Variants in IPCEF1 observed in about 807,000 individuals in gnomAD.
The protein encoded by IPCEF1 is interactor protein for cytohesin exchange factors 1.
Under a neutral mutation model 50.9 loss-of-function variants are expected in IPCEF1, and 31 were observed. That is an observed-to-expected ratio of 0.61 (90% CI 0.46 to 0.82). The LOEUF is 0.82. Ranked by LOEUF, IPCEF1 falls within the 40% of genes least tolerant of loss-of-function variation. The pLI, the probability that IPCEF1 is intolerant of heterozygous loss-of-function variation, is 0.00. For missense variants in IPCEF1, 458 were observed against 514.0 expected (o/e 0.89, Z 1.05); for synonymous variants, 181 against 192.0 (o/e 0.94, Z 0.47).
At chr6:154,222,927 A>G (rs1778980545) in intron 6 of IPCEF1, 1 of 539,634 alleles carries the variant, frequency 1.9e-6, no homozygotes, top group Non-Finnish European at 3.3e-6. Flanking sequence ...ACAGTCATCA[A>G]CAACAGTCCA....
rs565642226 is a variant in IPCEF1, at chr6:154,183,333, T to C, written c.911-15220A>G. The stretch of plus-strand genomic sequence containing the variant: ...TTCACTTATCGCTATGACTATTATC[T>C]ACTGCAATCTATGTACTTGCATAAC... On this transcript the variant is annotated intron_variant, in intron 10 of 11. Coordinates refer to ENST00000367220, the MANE Select transcript of IPCEF1 (RefSeq NM_001130700.2). Among the ~76,000 whole-genome samples, 41 of 152,356 alleles carry C rather than the reference T, an allele frequency of 2.7e-4. No individual in the cohort carries two copies. The South Asian group carries it at 3.3e-3, about 12-fold the overall frequency.
At chr6:154,188,377 A>C (rs1477339192) in intron 10 of IPCEF1, among the ~76,000 whole-genome samples, 2 of 152,354 alleles carry the variant, frequency 1.3e-5, no homozygotes, top group East Asian at 3.9e-4. Context: ...AGAGAGGTAA[A>C]GAGACCAATT....
At chr6:154,218,433 C>T (rs1286431109) in intron 7 of IPCEF1, among the ~76,000 whole-genome samples, 1 of 152,162 alleles carries the variant, frequency 6.6e-6, no homozygotes, top group Non-Finnish European at 1.5e-5. Context: ...CTTCATCGTC[C>T]CTGAGAGAAA....
chr6:154,193,121 TG>T (rs1802081455), intron 10 of IPCEF1, among the ~76,000 whole-genome samples: 1 of 152,196 alleles, frequency 6.6e-6, no homozygotes, highest in South Asian at 2.1e-4. Flanking sequence ...CCAGCCCAGA[TG>T]CCCATCAGTC....
intron 9 of IPCEF1, among the ~76,000 whole-genome samples, chr6:154,201,715 C>T (rs753205797): frequency 2.8e-4 from 42 of 152,146 alleles, no homozygotes; most frequent in Non-Finnish European, 4.7e-4. Context: ...GCCAACATGG[C>T]GAAACCCCGT....
chr6:154,311,704 A>G (rs900484208), intron 1 of IPCEF1, among the ~76,000 whole-genome samples: 4 of 152,250 alleles, frequency 2.6e-5, no homozygotes, highest in Non-Finnish European at 5.9e-5. Flanking sequence ...CAATATCACT[A>G]ATCATTACAA....
intron 1 of IPCEF1, among the ~76,000 whole-genome samples, chr6:154,292,698 G>T (rs566055336): frequency 3.9e-5 from 6 of 152,284 alleles, no homozygotes; most frequent in Middle Eastern, 3.4e-3. Flanking sequence ...AAACTACAAG[G>T]TAGTGAGGTA....
rs145947970 is a variant in IPCEF1, at chr6:154,174,452, C to T, written c.911-6339G>A. On this transcript the variant is annotated intron_variant, in intron 10 of 11. Coordinates refer to ENST00000367220, the MANE Select transcript of IPCEF1 (RefSeq NM_001130700.2). ...TCTCACGTGCAGAGACACACACAGG[C>T]TCAAAATAAAGGGAAGGAGGAAGAT... Among the ~76,000 whole-genome samples, 977 of 151,830 alleles carry T rather than the reference C, an allele frequency of 6.4e-3. 29 individuals carry two copies. The highest frequency in any genetic ancestry group is 0.055 in the East Asian group (283 of 5,162).
At chr6:154,160,261 A>C (rs1415782677) in intron 11 of IPCEF1, among the ~76,000 whole-genome samples, 1 of 152,246 alleles carries the variant, frequency 6.6e-6, no homozygotes, top group Admixed American at 6.5e-5. Flanking sequence ...AGTTAGTGGA[A>C]GAGCTAGACA....
chr6:154,241,328 AC>A (rs1780574964), intron 5 of IPCEF1, among the ~76,000 whole-genome samples: 1 of 152,100 alleles, frequency 6.6e-6, no homozygotes, highest in Non-Finnish European at 1.5e-5. Context: ...GCTTCCTTGA[AC>A]TGGTGATGCA....
At chr6:154,282,991 T>A (rs1229510927) in intron 2 of IPCEF1, among the ~76,000 whole-genome samples, 1 of 151,894 alleles carries the variant, frequency 6.6e-6, no homozygotes, top group African/African-American at 2.4e-5. Flanking sequence ...ATCCCACAAA[T>A]TTTCAAAGAT....
chr6:154,335,407 T>C (rs1379293824), intron 1 of IPCEF1, among the ~76,000 whole-genome samples: 1 of 152,230 alleles, frequency 6.6e-6, no homozygotes, highest in Non-Finnish European at 1.5e-5. Context: ...TCTGTATGCC[T>C]TTTCTCCAGT....
At chr6:154,281,898 G>A (rs1782222525) in intron 2 of IPCEF1, among the ~76,000 whole-genome samples, 1 of 152,190 alleles carries the variant, frequency 6.6e-6, no homozygotes, top group African/African-American at 2.4e-5. Context: ...CAGCTACGTG[G>A]GAGGCTGAGA....
At chr6:154,242,084 TATTATGAGA>T (rs1356624054) in intron 5 of IPCEF1, among the ~76,000 whole-genome samples, 2 of 152,234 alleles carry the variant, frequency 1.3e-5, no homozygotes, top group African/African-American at 4.8e-5. Flanking sequence ...CTTGCTCGGC[TATTATGAGA>T]ATTCAATATA....
intron 10 of IPCEF1, among the ~76,000 whole-genome samples, chr6:154,178,810 T>G (rs1800579783): frequency 1.3e-5 from 2 of 152,226 alleles, no homozygotes; most frequent in Admixed American, 1.3e-4. Context: ...TCACTCAGCT[T>G]CCTGCCTCTC....
chr6:154,352,242 A>G (rs1211654515), intron 1 of IPCEF1, among the ~76,000 whole-genome samples: 1 of 152,256 alleles, frequency 6.6e-6, no homozygotes, highest in Non-Finnish European at 1.5e-5. Context: ...GAACCTAGCA[A>G]GTGCTCAGTA....
intron 9 of IPCEF1, among the ~76,000 whole-genome samples, chr6:154,208,106 T>A (rs1232583323): frequency 6.6e-6 from 1 of 152,212 alleles, no homozygotes; most frequent in Non-Finnish European, 1.5e-5. Context: ...GAAATGGAAG[T>A]TGATTATATC....
At chr6:154,330,501 T>C (rs1264047851) in intron 1 of IPCEF1, among the ~76,000 whole-genome samples, 17 of 152,030 alleles carry the variant, frequency 1.1e-4, no homozygotes, top group Admixed American at 9.2e-4. Context: ...ATTTTTTTTA[T>C]GATCGGTAGA....
intron 2 of IPCEF1, among the ~76,000 whole-genome samples, chr6:154,283,161 T>G (rs1782266189): frequency 1.3e-5 from 2 of 150,832 alleles, no homozygotes; most frequent in Non-Finnish European, 2.9e-5. Context: ...CCAGGCATGG[T>G]GGCGCAGGCC....
Sources: gnomAD v4.1 joint callset for allele counts (sites outside exome capture counted in the v4.1 genomes callset) on GRCh38, gnomAD v4.1.1 for gene constraint, MANE v1.5 for transcripts, NCBI Gene and HGNC (gene_info 2026-07-23, HGNC 2026-07-21) for gene names.